Variants in INPP5A observed in about 807,000 individuals in gnomAD.
INPP5A encodes the protein 43 kDa inositol polyphosphate 5-phophatase.
Under a neutral mutation model 65.2 loss-of-function variants are expected in INPP5A, and 14 were observed. That is an observed-to-expected ratio of 0.21 (90% confidence interval 0.14 to 0.34). INPP5A has a LOEUF of 0.34. Ranked by LOEUF, INPP5A falls within the 10% of genes least tolerant of loss-of-function variation. The probability of loss-of-function intolerance (pLI) is 1.00; values close to 1 mark genes in which losing one functional copy is unlikely to be tolerated. For synonymous variants in INPP5A, 207 were observed against 208.3 expected, an observed-to-expected ratio of 0.99 and a Z score of 0.05; for missense variants, 431 against 545.6, an observed-to-expected ratio of 0.79 and a Z score of 2.09.
chr10:132,574,830 T>A (rs1316568097), intron 1 of INPP5A, among the ~76,000 whole-genome samples: 4 of 149,942 alleles, frequency 2.7e-5, no homozygotes, highest in Non-Finnish European at 4.4e-5. Flanking sequence ...AGCTGGGGGG[T>A]GTTTTTCGTT....
At chr10:132,719,593 G>T (rs1201242389) in intron 8 of INPP5A, among the ~76,000 whole-genome samples, 1 of 147,502 alleles carries the variant, frequency 6.8e-6, no homozygotes, top group African/African-American at 2.6e-5. Flanking sequence ...CGGGTTCTGT[G>T]GTGCCTGGGT....
intron 4 of INPP5A, among the ~76,000 whole-genome samples, chr10:132,670,930 C>T (rs773010922): frequency 1.1e-4 from 17 of 148,530 alleles, no homozygotes; most frequent in African/African-American, 2.3e-4. Context: ...CTGCAAACGG[C>T]GGTGACGGCT....
chr10:132,601,150 C>G (rs1197242691), intron 1 of INPP5A, among the ~76,000 whole-genome samples: 1 of 152,214 alleles, frequency 6.6e-6, no homozygotes, highest in Admixed American at 6.5e-5. Context: ...TTATTATTTT[C>G]TCTTTTCAAT....
intron 1 of INPP5A, among the ~76,000 whole-genome samples, chr10:132,590,500 C>G (rs2071606077): frequency 6.6e-6 from 1 of 152,150 alleles, no homozygotes; most frequent in Non-Finnish European, 1.5e-5. Context: ...TGTTGGAACA[C>G]AGGTGTGGAC....
chr10:132,553,985 A>C (rs540014984), intron 1 of INPP5A, among the ~76,000 whole-genome samples: 12 of 149,860 alleles, frequency 8.0e-5, no homozygotes, highest in African/African-American at 2.7e-4. Context: ...GCCTTGGTGG[A>C]ATATTGAGTG....
Position 132,719,341 on chromosome 10 carries a change from A to G in INPP5A, c.648-7480A>G, listed in dbSNP as rs181410332. Among the ~76,000 whole-genome samples the G allele has an allele frequency of 2.3e-3, 306 of 133,802 alleles. 6 individuals carry two copies. Among genetic ancestry groups the G allele is most frequent in the African/African-American group, 8.2e-3 (290 of 35,168 alleles). The allele number at this position is 133,802 out of a possible 152,430, so 87.8% of individuals were successfully genotyped here. On this transcript the variant is annotated intron_variant, in intron 8 of 15. Transcript: ENST00000368594. ...GCGGCTGTCTTCAGGGTTCTGTGGT[A>G]CCTGGGTTCTGTCTGGGCGCCTTAG...
At chr10:132,725,015 C>T (rs1043384745) in intron 8 of INPP5A, among the ~76,000 whole-genome samples, 10 of 141,922 alleles carry the variant, frequency 7.0e-5, no homozygotes, top group Non-Finnish European at 1.1e-4. Flanking sequence ...CCAGAACTCA[C>T]GGGGGGCCCC....
chr10:132,698,056 C>T lies in INPP5A; in HGVS notation c.474+137C>T, dbSNP rs1436141843. ...TTGTTACCTCCGATAATCTGTCTTCCTGGGAGTCCAGGCTTCTGTGGTTGG... is the reference window on the plus strand; with the variant it reads ...TTGTTACCTCCGATAATCTGTCTTCTTGGGAGTCCAGGCTTCTGTGGTTGG... On this transcript the variant is annotated intron_variant, in intron 6 of 15. Transcript: ENST00000368594. The surrounding 1 kb of genome is among the most constrained non-coding windows in gnomAD (Gnocchi z 5.5). 1.5e-6 allele frequency: 1 copy of T among 663,788 alleles called. No individual in the cohort carries two copies. Among genetic ancestry groups the T allele is most frequent in the Non-Finnish European group, 2.7e-6 (1 of 364,206 alleles). The allele number at this position is 663,788 out of a possible 1,614,324, so 41.1% of individuals were successfully genotyped here.
chr10:132,727,456 C>T lies in INPP5A; in HGVS notation c.732+551C>T, dbSNP rs1016856897. On this transcript the variant is annotated intron_variant, in intron 9 of 15. Coordinates refer to ENST00000368594, the MANE Select transcript of INPP5A (RefSeq NM_005539.5). This position sits in a 1 kb window ranked among gnomAD's most constrained non-coding sequence, Gnocchi z 6.5. ...GGGGTCCAGGGTGCTCCTGGGTGTG[C>T]TTTCGGGCTGGCCGGGGACCAGCAG... 2.6e-5 allele frequency: 4 copies of T among 152,354 alleles called. No individual in the cohort carries two copies. Among genetic ancestry groups the T allele is most frequent in the Non-Finnish European group, 4.4e-5 (3 of 68,204 alleles). 9.4% of individuals were successfully genotyped at this position (152,354 alleles called of 1,614,324 possible).
intron 2 of INPP5A, among the ~76,000 whole-genome samples, chr10:132,617,271 C>T (rs1403018413): frequency 7.9e-5 from 12 of 152,132 alleles, no homozygotes; most frequent in Non-Finnish European, 4.4e-5. Flanking sequence ...ACAGTCCCCG[C>T]CCTTCAGAGC....
At chr10:132,740,824 G>T (rs938596955) in intron 9 of INPP5A, among the ~76,000 whole-genome samples, 1 of 152,132 alleles carries the variant, frequency 6.6e-6, no homozygotes, top group East Asian at 1.9e-4. Context: ...AGAGCCACTC[G>T]CAGGGTCCAC....
intron 11 of INPP5A, among the ~76,000 whole-genome samples, chr10:132,759,271 G>A (rs1255411823): frequency 1.3e-5 from 2 of 152,176 alleles, no homozygotes; most frequent in East Asian, 1.9e-4. Context: ...GACCCCCGGG[G>A]TAGTGAGGGG....
At chr10:132,577,238 G>A (rs984412089) in intron 1 of INPP5A, among the ~76,000 whole-genome samples, 2 of 152,136 alleles carry the variant, frequency 1.3e-5, no homozygotes, top group Admixed American at 6.5e-5. Context: ...CCGGCACGCC[G>A]CCCGTGGTGC....
intron 2 of INPP5A, among the ~76,000 whole-genome samples, chr10:132,618,839 A>C (rs1453051126): frequency 2.0e-5 from 3 of 152,184 alleles, no homozygotes; most frequent in Admixed American, 6.5e-5. Context: ...ACCAGACCTC[A>C]TGTGAACTCA....
At chr10:132,604,188 C>T (rs2071811922) in intron 1 of INPP5A, among the ~76,000 whole-genome samples, 1 of 150,232 alleles carries the variant, frequency 6.7e-6, no homozygotes, top group African/African-American at 2.5e-5. Context: ...GGTCCCCTCT[C>T]TGGCGTACCC....
Position 132,538,599 on chromosome 10 carries a change from C to T in INPP5A, c.75+428C>T, listed in dbSNP as rs1357230860. ...CCAGCCCCAGCCCTGATTTCCGAAT[C>T]CTCAGAACCCTGGCCCTGGAATGCC... On this transcript the variant is annotated intron_variant, in intron 1 of 15. Coordinates refer to ENST00000368594, the MANE Select transcript of INPP5A (RefSeq NM_005539.5). The surrounding 1 kb of genome is among the most constrained non-coding windows in gnomAD (Gnocchi z 4.1). Among the ~76,000 whole-genome samples, 1 of 152,168 alleles carries T rather than the reference C, an allele frequency of 6.6e-6. No individual in the cohort carries two copies. The highest frequency in any genetic ancestry group is 2.4e-5 in the African/African-American group (1 of 41,430).
chr10:132,695,481 G>A (rs553606155), intron 5 of INPP5A, among the ~76,000 whole-genome samples: 1 of 152,310 alleles, frequency 6.6e-6, no homozygotes. Flanking sequence ...ACATCTTACT[G>A]AAAATCTTAG....
intron 9 of INPP5A, among the ~76,000 whole-genome samples, chr10:132,730,769 C>A (rs905389766): frequency 1.3e-5 from 2 of 152,196 alleles, no homozygotes; most frequent in African/African-American, 4.8e-5. Context: ...GTTGGCGTGT[C>A]CTGCTGTGAG....
At chr10:132,712,564 T>C (rs987773402) in intron 8 of INPP5A, among the ~76,000 whole-genome samples, 2 of 148,740 alleles carry the variant, frequency 1.3e-5, no homozygotes, top group Admixed American at 1.3e-4. Context: ...GTGAGTGCAC[T>C]TGTGTGGCTG....
Sources: allele counts gnomAD v4.1 joint callset (sites outside exome capture counted in the v4.1 genomes callset), GRCh38; gene constraint gnomAD v4.1.1; non-coding constraint Gnocchi (gnomAD v3.1); transcripts MANE v1.5; gene names NCBI Gene and HGNC (gene_info 2026-07-23, HGNC 2026-07-21).